Variants in SAMMSON observed in about 807,000 individuals in gnomAD.
SAMMSON encodes the protein long intergenic non-protein coding RNA 1212.
intron 3 of SAMMSON, among the ~76,000 whole-genome samples, chr3:70,022,009 C>T (rs753385150): frequency 3.9e-5 from 6 of 151,980 alleles, no homozygotes; most frequent in Admixed American, 1.3e-4. Flanking sequence ...AGAATGGAGG[C>T]GGTAGGTGAC....
At chr3:70,006,908 C>T (rs906868823) in intron 1 of SAMMSON, among the ~76,000 whole-genome samples, 11 of 148,634 alleles carry the variant, frequency 7.4e-5, no homozygotes, top group African/African-American at 2.7e-4. Context: ...TTTGGTTTTT[C>T]GTCCTTGTGA....
At chr3:70,289,670 C>T (rs1340077362) in intron 6 of SAMMSON, among the ~76,000 whole-genome samples, 1 of 152,016 alleles carries the variant, frequency 6.6e-6, no homozygotes, top group South Asian at 2.1e-4. Flanking sequence ...AACTTGGTTC[C>T]ATTCTCCCCA....
chr3:70,404,861 A>C (rs1426555954), intron 2 of SAMMSON, among the ~76,000 whole-genome samples: 1 of 152,182 alleles, frequency 6.6e-6, no homozygotes, highest in Admixed American at 6.5e-5. Flanking sequence ...GCTGGAAGCC[A>C]CTAGAGTATG....
chr3:70,424,512 CACTG>C (rs1701339723), intron 2 of SAMMSON, among the ~76,000 whole-genome samples: 1 of 152,024 alleles, frequency 6.6e-6, no homozygotes, highest in Non-Finnish European at 1.5e-5. Flanking sequence ...CACTGGATGA[CACTG>C]ACACATTAAC....
intron 6 of SAMMSON, among the ~76,000 whole-genome samples, chr3:70,283,233 G>C (rs971658057): frequency 3.9e-5 from 6 of 152,120 alleles, no homozygotes; most frequent in African/African-American, 1.4e-4. Flanking sequence ...CACTGAAATA[G>C]ATTTGCGGGA....
chr3:70,097,674 A>C (rs1046888646), intron 4 of SAMMSON, among the ~76,000 whole-genome samples: 2 of 152,102 alleles, frequency 1.3e-5, no homozygotes, highest in East Asian at 3.9e-4. Context: ...CCTCTTAGGG[A>C]TTATATTTTT....
intron 3 of SAMMSON, among the ~76,000 whole-genome samples, chr3:70,055,298 G>A: frequency 6.6e-6 from 1 of 152,094 alleles, no homozygotes; most frequent in East Asian, 1.9e-4. Flanking sequence ...AAAAAACCAT[G>A]GCCACAGGCC....
intron 8 of SAMMSON, among the ~76,000 whole-genome samples, chr3:70,355,013 T>C (rs752876679): frequency 6.6e-6 from 1 of 152,080 alleles, no homozygotes; most frequent in Non-Finnish European, 1.5e-5. Context: ...ACACTAAAGA[T>C]AGAGATTAAA....
chr3:70,369,572 T>G (rs1702949125), intron 9 of SAMMSON, among the ~76,000 whole-genome samples: 1 of 151,606 alleles, frequency 6.6e-6, no homozygotes, highest in South Asian at 2.1e-4. Flanking sequence ...TGATGTTGAA[T>G]AAGAGGAATC....
intron 2 of SAMMSON, among the ~76,000 whole-genome samples, chr3:70,397,059 A>G (rs999787381): frequency 2.6e-5 from 4 of 152,208 alleles, no homozygotes; most frequent in African/African-American, 9.7e-5. Context: ...AAAACAACAA[A>G]AAACAGTTTC....
Position 70,182,526 on chromosome 3 carries a change from G to T in SAMMSON, n.508-66581G>T, listed in dbSNP as rs182196688. Among the ~76,000 whole-genome samples, 7 of 152,214 alleles carry T rather than the reference G, an allele frequency of 4.6e-5. No individual in the cohort carries two copies. In the East Asian group the frequency reaches 1.4e-3, roughly 29 times the overall value. Reference sequence around the variant, plus strand: ...GGACGTAAAAGTAACAGATTGGAGCGGGGTGGAGCTCATGCTAAGGAATTG... The same window carrying T: ...GGACGTAAAAGTAACAGATTGGAGCTGGGTGGAGCTCATGCTAAGGAATTG... On this transcript the variant is annotated intron_variant and non_coding_transcript_variant, in intron 4 of 9. Transcript: ENST00000642114.
intron 4 of SAMMSON, among the ~76,000 whole-genome samples, chr3:70,107,133 A>C (rs1300863571): frequency 6.6e-6 from 1 of 152,226 alleles, no homozygotes; most frequent in Non-Finnish European, 1.5e-5. Flanking sequence ...GGACCGGGTA[A>C]AATGGAGACT....
chr3:70,150,662 T>G (rs1167355318), intron 4 of SAMMSON, among the ~76,000 whole-genome samples: 2 of 152,044 alleles, frequency 1.3e-5, no homozygotes. Context: ...CTGGATGTAA[T>G]CGCATGCAGA....
intron 3 of SAMMSON, among the ~76,000 whole-genome samples, chr3:70,071,090 T>C (rs555454089): frequency 3.9e-5 from 6 of 152,112 alleles, no homozygotes; most frequent in African/African-American, 7.2e-5. Context: ...GGGGGTCTTA[T>C]AGGTATCGTA....
chr3:70,305,138 G>A (rs928411043), intron 7 of SAMMSON, among the ~76,000 whole-genome samples: 23 of 151,966 alleles, frequency 1.5e-4, no homozygotes, highest in Non-Finnish European at 2.6e-4. Context: ...TCAAAGCTTC[G>A]AAACAATTAC....
chr3:70,264,420 T>G (rs1701896951), intron 6 of SAMMSON, among the ~76,000 whole-genome samples: 1 of 152,208 alleles, frequency 6.6e-6, no homozygotes, highest in South Asian at 2.1e-4. Flanking sequence ...CCAATGACTG[T>G]CTAAGAACTG....
chr3:70,402,210 C>A (rs952231880), intron 2 of SAMMSON, among the ~76,000 whole-genome samples: 3 of 152,032 alleles, frequency 2.0e-5, no homozygotes. Context: ...TTATTTAATC[C>A]GGAGCAATAG....
rs371914819 is a variant in SAMMSON at position 70,097,784 on chromosome 3, C to A, written n.507+26219C>A. On this transcript the variant is annotated intron_variant and non_coding_transcript_variant, in intron 4 of 9. Coordinates refer to ENST00000642114, the Ensembl canonical transcript of SAMMSON. The stretch of plus-strand genomic sequence containing the variant: ...GGTTACTCGCAATCATTTAAAAGAC[C>A]CTATATTCATCTCAAAACCCAGAAC... 6.6e-4 allele frequency among the ~76,000 whole-genome samples: 100 copies of A among 152,100 alleles called. 1 individual carries two copies. In the South Asian group the frequency reaches 0.02, roughly 31 times the overall value.
At chr3:70,138,456 CT>C (rs34383106) in intron 4 of SAMMSON, among the ~76,000 whole-genome samples, 1 of 151,876 alleles carries the variant, frequency 6.6e-6, no homozygotes, top group African/African-American at 2.4e-5. Context: ...TCTCTAGAGG[CT>C]TTTTTTGTAA....
Sources: gnomAD v4.1 joint callset for allele counts (sites outside exome capture counted in the v4.1 genomes callset) on GRCh38, gnomAD v4.1.1 for gene constraint, MANE v1.5 for transcripts, NCBI Gene and HGNC (gene_info 2026-07-23, HGNC 2026-07-21) for gene names.